The following WDR43 variants were observed in gnomAD, a reference collection of about 807,000 sequenced individuals.
The protein encoded by WDR43 is WD repeat domain 43, also known as WD repeat-containing protein 43.
WDR43 carries 13 observed loss-of-function variants against 91.4 expected under a neutral mutation model. That is an observed-to-expected ratio of 0.14 (90% CI 0.09 to 0.23). The LOEUF is 0.23. Ranked by LOEUF, WDR43 falls within the 10% of genes least tolerant of loss-of-function variation. WDR43 has a pLI of 1.00. For missense variants in WDR43, 780 were observed against 809.4 expected, an observed-to-expected ratio of 0.96 and a Z score of 0.44; for synonymous variants, 331 against 287.9, an observed-to-expected ratio of 1.15 and a Z score of -1.51.
chr2:28,898,899 T>G (rs1670530425), intron 1 of WDR43, among the ~76,000 whole-genome samples: 1 of 152,224 alleles, frequency 6.6e-6, no homozygotes, highest in Non-Finnish European at 1.5e-5. Context: ...AATGTGCTTT[T>G]TTCTGTCTTC....
rs377639680 is a variant in WDR43, at chr2:28,946,447, C to T, written c.1805-3C>T. ...TAAGGCTGGGTTCTTTCTCCCCTTA[C>T]AGAGTCTTCTGAAGAGGAGTCTGAT... On this transcript the variant is annotated splice_region_variant and splice_polypyrimidine_tract_variant and intron_variant, in intron 16 of 17. Coordinates refer to ENST00000407426, the MANE Select transcript of WDR43 (RefSeq NM_015131.3). 3 of 1,608,680 alleles carry T rather than the reference C, an allele frequency of 1.9e-6. No individual in the cohort carries two copies. Among genetic ancestry groups the T allele is most frequent in the Non-Finnish European group, 2.5e-6 (3 of 1,176,998 alleles).
chr2:28,941,397 C>T, intron 14 of WDR43, 64 bp from the exon 15 acceptor site: 2 of 1,264,518 alleles, frequency 1.6e-6, no homozygotes, highest in South Asian at 1.3e-5. Flanking sequence ...CATAGCTGAG[C>T]ATGATTTGCG....
intron 1 of WDR43, chr2:28,895,778 C>G (rs1670468776): frequency 6.6e-6 from 1 of 152,210 alleles, no homozygotes; most frequent in African/African-American, 2.4e-5. Context: ...ATCTCTCTAA[C>G]TCAGCATGCA....
chr2:28,923,652 T>A (rs1671078289), intron 7 of WDR43, among the ~76,000 whole-genome samples: 1 of 152,150 alleles, frequency 6.6e-6, no homozygotes. Context: ...AAGTGTATAC[T>A]CATTTCAAAA....
At chr2:28,919,686 C>T (rs1465019671) in intron 6 of WDR43, among the ~76,000 whole-genome samples, 2 of 151,946 alleles carry the variant, frequency 1.3e-5, no homozygotes, top group Non-Finnish European at 2.9e-5. Flanking sequence ...AGGAATCCTA[C>T]ACTTAATTAC....
At chr2:28,929,531 C>A in intron 10 of WDR43, 48 bp from the exon 11 acceptor site, 2 of 1,467,042 alleles carry the variant, frequency 1.4e-6, no homozygotes, top group South Asian at 1.5e-5. Flanking sequence ...CTCCAAACTA[C>A]TTTAAGTCTT....
In WDR43 at chr2:28,927,695, A is replaced by G; in HGVS notation, c.1300A>G (p.Asn434Asp). Reference sequence around the variant, plus strand: ...AGAGAGCAAGAGGAAGTCAGGGGGAAATGAGGTAATGCAACTGCTTTGACC... The same window carrying G: ...AGAGAGCAAGAGGAAGTCAGGGGGAGATGAGGTAATGCAACTGCTTTGACC... ...QVESKRKSGG[N>D]EVSIEERLGA... is the part of the protein sequence containing the mutation. The change falls in exon 10 of 18, where the codon AAT becomes GAT. Residue 434 changes from asparagine to aspartate, a missense_variant. Asn to Asp is a conservative substitution (Grantham distance 23). Coordinates refer to ENST00000407426, the MANE Select transcript of WDR43 (RefSeq NM_015131.3). 6.2e-7 allele frequency: 1 copy of G among 1,613,910 alleles called. No homozygotes were observed. Among genetic ancestry groups the G allele is most frequent in the Non-Finnish European group, 8.5e-7 (1 of 1,179,806 alleles).
chr2:28,917,176 C>T lies in WDR43; in HGVS notation c.747-717C>T, dbSNP rs145099589. Among the ~76,000 whole-genome samples, 201 of 152,280 alleles carry T rather than the reference C, an allele frequency of 1.3e-3. 1 individual carries two copies. Among genetic ancestry groups the T allele is most frequent in the Non-Finnish European group, 2.4e-3 (160 of 68,026 alleles). ...CAACGGGAAGGCAGAATGTAGCTAC[C>T]TTAGCTGAAGACATTGAATGTGTTA... On this transcript the variant is annotated intron_variant, in intron 5 of 17. Transcript: ENST00000407426.
At chr2:28,928,589 T>G (rs1671186166) in intron 10 of WDR43, among the ~76,000 whole-genome samples, 1 of 152,232 alleles carries the variant, frequency 6.6e-6, no homozygotes, top group Admixed American at 6.5e-5. Context: ...AACAAATTTC[T>G]TTTTGATAAC....
chr2:28,898,340 C>T (rs1004903627), intron 1 of WDR43, among the ~76,000 whole-genome samples: 5 of 152,168 alleles, frequency 3.3e-5, no homozygotes, highest in African/African-American at 1.2e-4. Context: ...TAGGGCAGTT[C>T]ACATGTGCTG....
intron 13 of WDR43, among the ~76,000 whole-genome samples, chr2:28,937,371 G>C (rs1671353277): frequency 6.6e-6 from 1 of 151,898 alleles, no homozygotes; most frequent in Admixed American, 6.5e-5. Context: ...TAAGCTTATA[G>C]TATATTATCA....
chr2:28,898,757 G>A (rs1208316140), intron 1 of WDR43, among the ~76,000 whole-genome samples: 1 of 151,942 alleles, frequency 6.6e-6, no homozygotes, highest in Non-Finnish European at 1.5e-5. Context: ...AAGTTTCTCT[G>A]TGAAGCTTGT....
intron 5 of WDR43, among the ~76,000 whole-genome samples, chr2:28,916,243 A>G (rs1000515031): frequency 1.3e-5 from 2 of 152,164 alleles, no homozygotes; most frequent in Non-Finnish European, 2.9e-5. Flanking sequence ...TTATATGGAC[A>G]TGTGATTTCA....
chr2:28,900,021 T>G (rs1394354567), intron 1 of WDR43, among the ~76,000 whole-genome samples: 1 of 152,190 alleles, frequency 6.6e-6, no homozygotes, highest in Non-Finnish European at 1.5e-5. Context: ...ATGCTTGACA[T>G]AGGCTATGTA....
chr2:28,921,942 A>G (rs1367495533), intron 6 of WDR43, among the ~76,000 whole-genome samples: 1 of 152,082 alleles, frequency 6.6e-6, no homozygotes, highest in African/African-American at 2.4e-5. Context: ...TCGAACTTCC[A>G]GGCTCTAGCT....
intron 8 of WDR43, 37 bp from the exon 9 acceptor site, chr2:28,926,431 C>G: frequency 4.4e-6 from 6 of 1,364,998 alleles, no homozygotes; most frequent in South Asian, 1.6e-5. Flanking sequence ...TTTTTTCTTT[C>G]CTCTCATCTT....
chr2:28,907,375 C>A (rs544822161), intron 3 of WDR43, among the ~76,000 whole-genome samples: 33 of 149,286 alleles, frequency 2.2e-4, no homozygotes, highest in African/African-American at 8.2e-4. Flanking sequence ...GTAATCCCAG[C>A]ACTTTGGGAG....
At chr2:28,945,788 C>G (rs76467506) in intron 16 of WDR43, among the ~76,000 whole-genome samples, 1,598 of 152,260 alleles carry the variant, frequency 0.01, 30 homozygotes, top group African/African-American at 0.035. Context: ...ATGTTTTCCC[C>G]CAACAATCAT....
At chr2:28,938,114 A>G in intron 14 of WDR43, 120 bp downstream of exon 14, 2 of 1,047,496 alleles carry the variant, frequency 1.9e-6, no homozygotes, top group Non-Finnish European at 2.8e-6. Flanking sequence ...CAGCCGTTAG[A>G]TGCTTCCTTT....
Sources: allele counts gnomAD v4.1 joint callset (sites outside exome capture counted in the v4.1 genomes callset), GRCh38; gene constraint gnomAD v4.1.1; transcripts MANE v1.5; gene names NCBI Gene and HGNC (gene_info 2026-07-23, HGNC 2026-07-21).